Variants in RBFOX1 observed in about 807,000 individuals in gnomAD.
RBFOX1 encodes RNA binding fox-1 homolog 1.
A neutral mutation model predicts 57.7 loss-of-function variants in RBFOX1; 8 were observed. That is an observed-to-expected ratio of 0.14 (90% confidence interval 0.08 to 0.25). The LOEUF (loss-of-function observed/expected upper bound fraction) is 0.25, where lower values mean the gene tolerates loss of function less well. Ranked by LOEUF, RBFOX1 falls within the 10% of genes least tolerant of loss-of-function variation. The pLI is 1.00. For missense variants in RBFOX1, 611 were observed against 548.5 expected, an observed-to-expected ratio of 1.11 and a Z score of -1.14; for synonymous variants, 326 against 222.4, an observed-to-expected ratio of 1.47 and a Z score of -4.15.
At chr16:7,063,365 G>C (rs1274546235) in intron 4 of RBFOX1, among the ~76,000 whole-genome samples, 1 of 152,044 alleles carries the variant, frequency 6.6e-6, no homozygotes. Context: ...AGATATATCA[G>C]TATCAGAGGA....
At chr16:7,537,744 C>A (rs1395580) in intron 5 of RBFOX1, among the ~76,000 whole-genome samples, 6 of 152,026 alleles carry the variant, frequency 3.9e-5, no homozygotes, top group African/African-American at 1.5e-4. Context: ...TTGGAATTAA[C>A]GCAGGAGCCA....
chr16:6,340,356 G>A (rs2084376968), intron 2 of RBFOX1, among the ~76,000 whole-genome samples: 1 of 152,160 alleles, frequency 6.6e-6, no homozygotes. Context: ...CTAAGACAGG[G>A]TTCTTGGATC....
intron 2 of RBFOX1, among the ~76,000 whole-genome samples, chr16:6,581,979 G>A (rs1030504393): frequency 4.0e-4 from 61 of 152,284 alleles, no homozygotes; most frequent in African/African-American, 1.4e-3. Flanking sequence ...ATAATCTTTG[G>A]TTGTTGCAGT....
At chr16:6,177,407 C>G (rs547476164) in intron 1 of RBFOX1, among the ~76,000 whole-genome samples, 1 of 150,788 alleles carries the variant, frequency 6.6e-6, no homozygotes, top group African/African-American at 2.4e-5. Context: ...TGATTTTTTT[C>G]TTATTTGACT....
Position 6,169,443 on chromosome 16 carries a change from GA to G in RBFOX1, c.-126-147543del, listed in dbSNP as rs565519469. Among the ~76,000 whole-genome samples, 4 of 150,318 alleles carry G rather than the reference GA, an allele frequency of 2.7e-5. No individual in the cohort carries two copies. In the East Asian group the frequency reaches 5.9e-4, roughly 22 times the overall value. On this transcript the variant is annotated intron_variant, in intron 1 of 15. Coordinates refer to ENST00000550418, the MANE Select transcript of RBFOX1 (RefSeq NM_018723.4). ...TGAGATAGAGAAGGAGGTTTCTGAT[GA>G]AAAAAAAAGCTTCAGCCAAATTAAA...
intron 11 of RBFOX1, among the ~76,000 whole-genome samples, chr16:7,653,139 C>A (rs912844358): frequency 6.6e-6 from 1 of 152,092 alleles, no homozygotes. Flanking sequence ...TGCAAATACA[C>A]CTGTACATAT....
chr16:5,264,773 T>C (rs929568922), intron 1 of RBFOX1, among the ~76,000 whole-genome samples: 4 of 152,062 alleles, frequency 2.6e-5, no homozygotes, highest in Non-Finnish European at 5.9e-5. Context: ...AGTACAGGGC[T>C]CTCTAGCATT....
At chr16:6,933,110 T>C (rs2076824087) in intron 3 of RBFOX1, among the ~76,000 whole-genome samples, 1 of 152,234 alleles carries the variant, frequency 6.6e-6, no homozygotes, top group Non-Finnish European at 1.5e-5. Context: ...TTCCATTGTA[T>C]GTGTAAACCA....
chr16:7,611,554 G>A (rs1402431209), intron 10 of RBFOX1, among the ~76,000 whole-genome samples: 1 of 151,734 alleles, frequency 6.6e-6, no homozygotes, highest in East Asian at 1.9e-4. Context: ...ACTGCAGCCT[G>A]GGTGACAAGA....
At chr16:6,966,403 T>A (rs962280266) in intron 3 of RBFOX1, among the ~76,000 whole-genome samples, 1 of 151,834 alleles carries the variant, frequency 6.6e-6, no homozygotes, top group Non-Finnish European at 1.5e-5. Flanking sequence ...GAGGAAGGGG[T>A]ACATGACCCT....
At chr16:6,618,916 G>C (rs559916516) in intron 2 of RBFOX1, among the ~76,000 whole-genome samples, 1 of 152,100 alleles carries the variant, frequency 6.6e-6, no homozygotes. Context: ...AGGGCCATCC[G>C]TAAAAACAGA....
rs148984773 is a variant in RBFOX1, at chr16:5,896,101, C to G, written c.351+28766C>G. Among the ~76,000 whole-genome samples, 264 of 152,090 alleles carry G rather than the reference C, an allele frequency of 1.7e-3. 1 individual carries two copies. The highest frequency in any genetic ancestry group is 6.0e-3 in the African/African-American group (249 of 41,494). Reference sequence around the variant, plus strand: ...GGGAAGTGCCGTCAGGAGAAGGGGACTAAATTAGTATAAGGAAGGGAGAGG... The same window carrying G: ...GGGAAGTGCCGTCAGGAGAAGGGGAGTAAATTAGTATAAGGAAGGGAGAGG... On this transcript the variant is annotated intron_variant, in intron 4 of 19. Transcript: ENST00000641259.
At chr16:7,403,169 A>G (rs1471383163) in intron 4 of RBFOX1, among the ~76,000 whole-genome samples, 3 of 152,204 alleles carry the variant, frequency 2.0e-5, no homozygotes, top group African/African-American at 7.2e-5. Flanking sequence ...ATATGTATAC[A>G]TTATGCAGTG....
intron 3 of RBFOX1, among the ~76,000 whole-genome samples, chr16:6,852,487 G>A (rs1191955906): frequency 6.6e-6 from 1 of 152,192 alleles, no homozygotes; most frequent in Non-Finnish European, 1.5e-5. Context: ...GGGTAAGTGT[G>A]AGAACAGTCT....
At chr16:6,647,996 C>T (rs551805605) in intron 2 of RBFOX1, among the ~76,000 whole-genome samples, 2 of 152,136 alleles carry the variant, frequency 1.3e-5, no homozygotes, top group Non-Finnish European at 2.9e-5. Context: ...TGTGTGCCAC[C>T]ATGCCCAGCT....
intron 2 of RBFOX1, among the ~76,000 whole-genome samples, chr16:6,557,255 G>C (rs957417117): frequency 2.7e-4 from 41 of 151,112 alleles, no homozygotes; most frequent in African/African-American, 8.5e-4. Context: ...TTCTTTTTCG[G>C]GTGATGCATG....
chr16:6,131,525 C>T (rs1214898704), intron 1 of RBFOX1, among the ~76,000 whole-genome samples: 6 of 152,198 alleles, frequency 3.9e-5, no homozygotes, highest in Non-Finnish European at 8.8e-5. Flanking sequence ...TGATCCAGAA[C>T]ATCTGGAACA....
chr16:6,811,360 A>T (rs1372839770), intron 3 of RBFOX1, among the ~76,000 whole-genome samples: 1 of 152,222 alleles, frequency 6.6e-6, no homozygotes, highest in Non-Finnish European at 1.5e-5. Flanking sequence ...ATGGGGTAGG[A>T]TCACTTCTAT....
chr16:6,718,351 GGAGA>G (rs2065250533), intron 3 of RBFOX1, among the ~76,000 whole-genome samples: 1 of 152,122 alleles, frequency 6.6e-6, no homozygotes, highest in Non-Finnish European at 1.5e-5. Context: ...TATTTTAGTG[GGAGA>G]GATAGATGAT....
Sources: allele counts gnomAD v4.1 joint callset (sites outside exome capture counted in the v4.1 genomes callset), GRCh38; gene constraint gnomAD v4.1.1; transcripts MANE v1.5; gene names NCBI Gene and HGNC (gene_info 2026-07-23, HGNC 2026-07-21).